TPO: variants seen among roughly 807,000 people sequenced by gnomAD.
TPO encodes thyroid peroxidase.
TPO carries 78 observed loss-of-function variants against 96.9 expected under a neutral mutation model. The observed-to-expected ratio is 0.81, with a 90% CI of 0.67 to 0.97. The LOEUF (loss-of-function observed/expected upper bound fraction) is 0.97, where lower values mean the gene tolerates loss of function less well. Ranked by LOEUF, TPO falls within the 50% of genes least tolerant of loss-of-function variation. TPO has a pLI of 0.00. For synonymous variants in TPO, 547 were observed against 538.0 expected (o/e 1.02, Z -0.23); for missense variants, 1,252 against 1,274.8 (o/e 0.98, Z 0.27).
intron 15 of TPO, among the ~76,000 whole-genome samples, chr2:1,527,579 AC>A (rs1351019101): frequency 1.4e-5 from 2 of 145,408 alleles, no homozygotes; most frequent in African/African-American, 5.2e-5. Flanking sequence ...ACTGTGTGCA[AC>A]CTCCTCACAT....
At chr2:1,504,326 C>T (rs553710418) in intron 14 of TPO, among the ~76,000 whole-genome samples, 1 of 152,282 alleles carries the variant, frequency 6.6e-6, no homozygotes, top group East Asian at 1.9e-4. Context: ...AGCCAGAATG[C>T]ATTGCCAGAC....
intron 15 of TPO, among the ~76,000 whole-genome samples, chr2:1,537,732 A>C (rs1173381932): frequency 2.2e-4 from 13 of 59,836 alleles, no homozygotes; most frequent in Non-Finnish European, 2.5e-4. Context: ...CAAATCCCCC[A>C]ACTGTCTGCA....
chr2:1,477,566 T>C lies in TPO; in HGVS notation c.1300T>C (p.Tyr434His). 6.5e-7 allele frequency: 1 copy of C among 1,537,332 alleles called. No individual in the cohort carries two copies. Reference sequence around the variant, plus strand: ...TGCGCACTGGAGCGCGGACGCCGTGTACCAGGAGGCGCGCAAGGTCGTGGG... The same window carrying C: ...TGCGCACTGGAGCGCGGACGCCGTGCACCAGGAGGCGCGCAAGGTCGTGGG... ...LNAHWSADAV[Y>H]QEARKVVGAL... The change falls in exon 8 of 17, where the codon TAC becomes CAC. Residue 434 changes from tyrosine (Y) to histidine (H), a missense_variant. Tyr to His is a moderately conservative substitution (Grantham distance 83, BLOSUM62 2). Coordinates refer to ENST00000329066, the MANE Select transcript of TPO (RefSeq NM_001206744.2).
intron 8 of TPO, among the ~76,000 whole-genome samples, chr2:1,482,981 C>T (rs547264099): frequency 6.6e-6 from 1 of 152,348 alleles, no homozygotes; most frequent in South Asian, 2.1e-4. Context: ...GCGCCTGACT[C>T]AAGATTCAAG....
chr2:1,434,064 T>C (rs1006020264), intron 4 of TPO, among the ~76,000 whole-genome samples: 14 of 152,146 alleles, frequency 9.2e-5, no homozygotes, highest in Non-Finnish European at 1.8e-4. Flanking sequence ...AGAGCCAATT[T>C]ACTCATCTCT....
At chr2:1,379,429 T>C (rs746754965) in intron 1 of TPO, among the ~76,000 whole-genome samples, 2 of 152,124 alleles carry the variant, frequency 1.3e-5, no homozygotes, top group Non-Finnish European at 2.9e-5. Context: ...GAGCAATCCC[T>C]AAACAGGCGG....
Position 1,523,358 on chromosome 2 carries a change from C to G in TPO, c.2618+6376C>G, listed in dbSNP as rs368647172. Among the ~76,000 whole-genome samples, 555 of 124,612 alleles carry G rather than the reference C, an allele frequency of 4.5e-3. 15 individuals are homozygous for G. Among genetic ancestry groups the G allele is most frequent in the East Asian group, 0.016 (51 of 3,254 alleles). The allele number at this position is 124,612 out of a possible 152,430, so 81.8% of individuals were successfully genotyped here. A position where few individuals can be genotyped will look rare whatever the true frequency, so the allele number is the denominator to read the frequency against. ...CTGTGTGCAACTTCCCTAAATCCCC[C>G]CACTGTGTTCAACCTCCCCAAATAC... On this transcript the variant is annotated intron_variant, in intron 15 of 16. Transcript: ENST00000329066.
chr2:1,387,076 G>C (rs1474766949), intron 1 of TPO, among the ~76,000 whole-genome samples: 1 of 152,230 alleles, frequency 6.6e-6, no homozygotes, highest in Non-Finnish European at 1.5e-5. Context: ...TCTGCCAAGA[G>C]ATCAGCTGTT....
intron 3 of TPO, 93 bp downstream of exon 3, chr2:1,423,222 C>A: frequency 8.5e-7 from 1 of 1,170,684 alleles, no homozygotes; most frequent in Non-Finnish European, 1.2e-6. Flanking sequence ...TTCGCAATTG[C>A]AGATGAAAAC....
intron 10 of TPO, among the ~76,000 whole-genome samples, chr2:1,492,084 C>T (rs1161304126): frequency 2.0e-5 from 3 of 152,176 alleles, no homozygotes; most frequent in Non-Finnish European, 2.9e-5. Context: ...GAGGGTGAAC[C>T]AGGGAGCCAC....
At chr2:1,394,220 G>C (rs1369688351) in intron 1 of TPO, among the ~76,000 whole-genome samples, 1 of 152,182 alleles carries the variant, frequency 6.6e-6, no homozygotes, top group African/African-American at 2.4e-5. Flanking sequence ...TAAAGCTAAA[G>C]TTTACAGGAA....
intron 1 of TPO, among the ~76,000 whole-genome samples, chr2:1,390,645 A>C (rs746790579): frequency 6.6e-6 from 1 of 152,202 alleles, no homozygotes; most frequent in African/African-American, 2.4e-5. Context: ...CACTCCCATT[A>C]ACAGTGTAAA....
intron 3 of TPO, among the ~76,000 whole-genome samples, chr2:1,429,119 G>C (rs1457857525): frequency 1.3e-5 from 2 of 152,156 alleles, no homozygotes; most frequent in African/African-American, 2.4e-5. Flanking sequence ...TATGGTGAGT[G>C]ATTTGCCCCA....
In TPO at chr2:1,496,461, G is replaced by A. The variant is rs986145209; in HGVS notation, c.2216-134G>A. The stretch of plus-strand genomic sequence containing the variant: ...CGTGTGTGCTGCGTGGGTGCTCAGT[G>A]AGTGACCACAGCAGGGCTCCCCGGC... On this transcript the variant is annotated intron_variant, in intron 12 of 16. Coordinates refer to ENST00000329066, the MANE Select transcript of TPO (RefSeq NM_001206744.2). 5.6e-5 allele frequency: 73 copies of A among 1,307,648 alleles called. No individual in the cohort carries two copies. The African/African-American group carries it at 9.6e-4, about 17-fold the overall frequency. 81.0% of individuals were successfully genotyped at this position (1,307,648 alleles called of 1,614,324 possible).
chr2:1,498,042 T>TGCACAAGGTCGGTGTGATAAGTC (rs1672529434), intron 13 of TPO, among the ~76,000 whole-genome samples: 1 of 150,562 alleles, frequency 6.6e-6, no homozygotes, highest in Non-Finnish European at 1.5e-5. Flanking sequence ...TGTGATAAGT[T>TGCACAAGGTCGGTGTGATAAGTC]GCACAAGGTC....
At chr2:1,508,393 G>C (rs993251661) in intron 14 of TPO, among the ~76,000 whole-genome samples, 1 of 152,144 alleles carries the variant, frequency 6.6e-6, no homozygotes, top group Non-Finnish European at 1.5e-5. Flanking sequence ...GATGATGCTG[G>C]CCTCATAAAA....
chr2:1,476,713 T>C (rs1381311776), intron 7 of TPO, among the ~76,000 whole-genome samples: 1 of 152,206 alleles, frequency 6.6e-6, no homozygotes, highest in Non-Finnish European at 1.5e-5. Flanking sequence ...TGTGGACTCC[T>C]AGGATGTGGG....
chr2:1,473,427 G>A (rs557757214), intron 7 of TPO, among the ~76,000 whole-genome samples: 18 of 152,220 alleles, frequency 1.2e-4, no homozygotes, highest in South Asian at 2.1e-4. Context: ...TGACAATACC[G>A]TGTGGACTTG....
At chr2:1,491,902 G>C (rs1161115294) in intron 10 of TPO, among the ~76,000 whole-genome samples, 1 of 152,222 alleles carries the variant, frequency 6.6e-6, no homozygotes, top group Non-Finnish European at 1.5e-5. Flanking sequence ...GGTTTCTGCA[G>C]ATCACAGGGC....
Sources: gnomAD v4.1 joint callset for allele counts (sites outside exome capture counted in the v4.1 genomes callset) on GRCh38, gnomAD v4.1.1 for gene constraint, MANE v1.5 for transcripts, NCBI Gene and HGNC (gene_info 2026-07-23, HGNC 2026-07-21) for gene names.